Variants in C2orf76 observed in about 807,000 individuals in gnomAD.
C2orf76 encodes the protein chromosome 2 open reading frame 76.
A neutral mutation model predicts 16.9 loss-of-function variants in C2orf76; 23 were observed. That is an observed-to-expected ratio of 1.36 (90% CI 0.98 to 1.93). The LOEUF (loss-of-function observed/expected upper bound fraction) is 1.93. Ranked by LOEUF, C2orf76 falls within the 30% of genes most tolerant of loss-of-function variation. The pLI is 0.00. For missense variants in C2orf76, 152 were observed against 152.6 expected, an observed-to-expected ratio of 1.00 and a Z score of 0.02; for synonymous variants, 48 against 52.3, an observed-to-expected ratio of 0.92 and a Z score of 0.35.
chr2:119,361,409 C>T lies in C2orf76; in HGVS notation c.-13+5381G>A, dbSNP rs377156386. 1.6e-3 allele frequency among the ~76,000 whole-genome samples: 247 copies of T among 152,306 alleles called. 1 individual carries two copies. The highest frequency in any genetic ancestry group is 0.011 in the South Asian group (51 of 4,826). On this transcript the variant is annotated intron_variant, in intron 1 of 5. Coordinates refer to ENST00000334816, the MANE Select transcript of C2orf76 (RefSeq NM_001322331.2). ...TGTATGTACAGTCAGCCCTCCATAT[C>T]TGTGGGTTCTGCCTTTGCAGACTCA...
chr2:119,291,400 G>T, the C2orf76 span, among the ~76,000 whole-genome samples: 1 of 151,794 alleles, frequency 6.6e-6, no homozygotes, highest in Non-Finnish European at 1.5e-5. Flanking sequence ...TGAAAGGGAC[G>T]GCTTTATCCT....
chr2:119,290,500 G>A, the C2orf76 span, among the ~76,000 whole-genome samples: 1 of 152,208 alleles, frequency 6.6e-6, no homozygotes, highest in African/African-American at 2.4e-5. Flanking sequence ...CTAAAGTTAG[G>A]TATTGGCTTT....
At chr2:119,337,384 A>G (rs1375032969) in intron 2 of C2orf76, among the ~76,000 whole-genome samples, 2 of 152,026 alleles carry the variant, frequency 1.3e-5, no homozygotes, top group Non-Finnish European at 2.9e-5. Context: ...CAAGCTTCTT[A>G]ACCCCTCTGT....
chr2:119,288,723 A>C, the C2orf76 span, among the ~76,000 whole-genome samples: 3 of 151,904 alleles, frequency 2.0e-5, no homozygotes, highest in Non-Finnish European at 2.9e-5. Context: ...CTAGACACTC[A>C]CCCTCAGAAC....
At chr2:119,281,993 A>T in the C2orf76 span, among the ~76,000 whole-genome samples, 1 of 152,112 alleles carries the variant, frequency 6.6e-6, no homozygotes, top group Non-Finnish European at 1.5e-5. Context: ...AGATATAAAA[A>T]TTGGTAGCCA....
chr2:119,284,222 A>G, the C2orf76 span, among the ~76,000 whole-genome samples: 7 of 152,166 alleles, frequency 4.6e-5, no homozygotes, highest in African/African-American at 1.7e-4. Context: ...AGCATGCCTC[A>G]CTGACCACGA....
rs13006650 is a variant in C2orf76, at chr2:119,342,958, T to C, written c.-12-2987A>G. 5.5e-3 allele frequency among the ~76,000 whole-genome samples: 840 copies of C among 152,172 alleles called. 4 individuals are homozygous for C. The highest frequency in any genetic ancestry group is 0.014 in the Middle Eastern group (4 of 292). ...CTAATTTTTGTATTTTTAGTAGAGA[T>C]GGGGTTTCACCATGTTGGCCAGGCT... On this transcript the variant is annotated intron_variant, in intron 1 of 5. Coordinates refer to ENST00000334816, the MANE Select transcript of C2orf76 (RefSeq NM_001322331.2).
At chr2:119,281,167 T>G in the C2orf76 span, among the ~76,000 whole-genome samples, 1 of 152,210 alleles carries the variant, frequency 6.6e-6, no homozygotes, top group Non-Finnish European at 1.5e-5. Context: ...GGTTCGGTGT[T>G]ACACAGGAAA....
chr2:119,340,474 C>G (rs943637448), intron 1 of C2orf76: 1 of 152,984 alleles, frequency 6.5e-6, no homozygotes, highest in African/African-American at 2.4e-5. Context: ...GTGTTACCGT[C>G]TTTCACATTA....
At chr2:119,320,866 T>C (rs1679320173) in intron 3 of C2orf76, among the ~76,000 whole-genome samples, 1 of 152,220 alleles carries the variant, frequency 6.6e-6, no homozygotes, top group Non-Finnish European at 1.5e-5. Flanking sequence ...AAATGTTAAA[T>C]CCCTTCTTTT....
At chr2:119,295,787 T>C in the C2orf76 span, among the ~76,000 whole-genome samples, 16,345 of 152,126 alleles carry the variant, frequency 0.11, 1,976 homozygotes, top group African/African-American at 0.3. Context: ...TTTCTCCATC[T>C]TAAAATCTCA....
intron 1 of C2orf76, among the ~76,000 whole-genome samples, chr2:119,342,336 C>T (rs895340597): frequency 6.6e-6 from 1 of 152,116 alleles, no homozygotes; most frequent in Admixed American, 6.5e-5. Context: ...ATTGGCCAGG[C>T]GCGGTGGCTC....
Position 119,360,468 on chromosome 2 carries a change from ACT to A in C2orf76, c.-13+6320_-13+6321del, listed in dbSNP as rs1404851404. Among the ~76,000 whole-genome samples the A allele has an allele frequency of 2.2e-5, 3 of 134,376 alleles. No individual in the cohort carries two copies. In the East Asian group the frequency reaches 6.5e-4, roughly 29 times the overall value. 88.2% of individuals were successfully genotyped at this position (134,376 alleles called of 152,430 possible). A position where few individuals can be genotyped will look rare whatever the true frequency, so the allele number is the denominator to read the frequency against. On this transcript the variant is annotated intron_variant, in intron 1 of 5. Coordinates refer to ENST00000334816, the MANE Select transcript of C2orf76 (RefSeq NM_001322331.2). ...CTCCAGCCTGGGCAACGAGAGCAAAACTCTGTCTCAAAAAAAAAAAAAAAAAA... is the reference window on the plus strand; with the variant it reads ...CTCCAGCCTGGGCAACGAGAGCAAAACTGTCTCAAAAAAAAAAAAAAAAAA...
the C2orf76 span, among the ~76,000 whole-genome samples, chr2:119,282,430 G>C: frequency 1.3e-5 from 2 of 152,216 alleles, no homozygotes; most frequent in African/African-American, 2.4e-5. Flanking sequence ...GGTGACTCCA[G>C]ATGACAGCCA....
At chr2:119,329,490 T>C (rs947296163) in intron 2 of C2orf76, among the ~76,000 whole-genome samples, 1 of 152,238 alleles carries the variant, frequency 6.6e-6, no homozygotes, top group African/African-American at 2.4e-5. Flanking sequence ...GACCATTTAC[T>C]TTCAATGTGA....
At chr2:119,325,572 G>A (rs772416056) in intron 2 of C2orf76, among the ~76,000 whole-genome samples, 2 of 151,902 alleles carry the variant, frequency 1.3e-5, no homozygotes, top group African/African-American at 2.4e-5. Context: ...AGCTATGGTT[G>A]CACCACTGCA....
chr2:119,304,212 G>A (rs1236716752), intron 5 of C2orf76, among the ~76,000 whole-genome samples: 1 of 152,230 alleles, frequency 6.6e-6, no homozygotes, highest in East Asian at 1.9e-4. Context: ...AATGAAGAAT[G>A]AGCAAAAGAC....
At chr2:119,358,432 G>T (rs1333994088) in intron 1 of C2orf76, among the ~76,000 whole-genome samples, 2 of 152,028 alleles carry the variant, frequency 1.3e-5, no homozygotes, top group Non-Finnish European at 2.9e-5. Flanking sequence ...ACAAAAATTA[G>T]CTGGGAGTCG....
At chr2:119,333,481 A>G (rs1027620590) in intron 2 of C2orf76, among the ~76,000 whole-genome samples, 3 of 152,240 alleles carry the variant, frequency 2.0e-5, no homozygotes, top group African/African-American at 7.2e-5. Context: ...TTAAATCTGT[A>G]TCACCAATGA....
Sources: gnomAD v4.1 joint callset for allele counts (sites outside exome capture counted in the v4.1 genomes callset) on GRCh38, gnomAD v4.1.1 for gene constraint, MANE v1.5 for transcripts, NCBI Gene and HGNC (gene_info 2026-07-23, HGNC 2026-07-21) for gene names.